Variants in PCDH11X observed in about 807,000 individuals in gnomAD.
PCDH11X encodes protocadherin-11 X-linked.
A neutral mutation model predicts 53.3 loss-of-function variants in PCDH11X; 18 were observed. That is an observed-to-expected ratio of 0.34 (90% CI 0.23 to 0.50). The LOEUF (loss-of-function observed/expected upper bound fraction) is 0.50. PCDH11X is among the 20% of genes least tolerant of loss of function. The pLI, the probability that PCDH11X is intolerant of heterozygous loss-of-function variation, is 0.98. For synonymous variants in PCDH11X, 279 were observed against 393.3 expected, an observed-to-expected ratio of 0.71 and a Z score of 3.44; for missense variants, 570 against 1,032.4, an observed-to-expected ratio of 0.55 and a Z score of 6.14.
chrX:92,111,273 G>A (rs1197258975), intron 6 of PCDH11X, among the ~76,000 whole-genome samples: 6 of 83,166 alleles, frequency 7.2e-5, no homozygotes, highest in Non-Finnish European at 4.3e-5. Flanking sequence ...TACTTTCTAA[G>A]CATATGTTTT....
At chrX:92,199,557 T>G (rs189354773) in intron 6 of PCDH11X, among the ~76,000 whole-genome samples, 2 of 111,193 alleles carry the variant, frequency 1.8e-5, no homozygotes. Context: ...AAGCACTAAG[T>G]TTTCCTGCAA....
chrX:91,931,127 G>GGTGTGTGTGT (rs199653186), intron 6 of PCDH11X, among the ~76,000 whole-genome samples: 12 of 98,853 alleles, frequency 1.2e-4, no homozygotes, highest in African/African-American at 4.1e-4. Context: ...AAGCTTTAGT[G>GGTGTGTGTGT]GTGTGTGTGT....
At chrX:92,289,348 T>C (rs1037680038) in intron 8 of PCDH11X, among the ~76,000 whole-genome samples, 4 of 106,838 alleles carry the variant, frequency 3.7e-5, no homozygotes, top group Admixed American at 2.9e-4. Flanking sequence ...ATTCAAGTTG[T>C]TTTTTCTATT....
Position 92,542,426 on chromosome X carries a change from T to C in PCDH11X, c.3367+74104T>C, listed in dbSNP as rs752089060. ...TTTACAATTATCTGTATTACCATAC[T>C]TTATGTTATATTGTTGGAACACTGG... On this transcript the variant is annotated intron_variant, in intron 10 of 10. Coordinates refer to ENST00000682573, the MANE Select transcript of PCDH11X (RefSeq NM_032968.5). 2.3e-3 allele frequency among the ~76,000 whole-genome samples: 259 copies of C among 111,646 alleles called. 3 individuals carry two copies. Among genetic ancestry groups the C allele is most frequent in the African/African-American group, 8.1e-3 (249 of 30,794 alleles).
At chrX:91,864,361 C>A (rs758735318) in intron 5 of PCDH11X, among the ~76,000 whole-genome samples, 1 of 98,554 alleles carries the variant, frequency 1.0e-5, no homozygotes, top group Admixed American at 1.1e-4. Flanking sequence ...TGCTTCCAGA[C>A]GTATTGGAGC....
intron 6 of PCDH11X, among the ~76,000 whole-genome samples, chrX:92,015,007 C>T (rs1412868684): frequency 9.0e-6 from 1 of 110,892 alleles, no homozygotes; most frequent in African/African-American, 3.3e-5. Flanking sequence ...GCATGTTGTG[C>T]ACATGTACCC....
chrX:92,155,977 C>T (rs1358041911), intron 6 of PCDH11X, among the ~76,000 whole-genome samples: 1 of 109,290 alleles, frequency 9.1e-6, no homozygotes, highest in Non-Finnish European at 1.9e-5. Context: ...CTCCCGTCCC[C>T]TCCATGTCAA....
intron 6 of PCDH11X, among the ~76,000 whole-genome samples, chrX:91,948,429 G>C (rs1480016206): frequency 1.8e-5 from 2 of 108,342 alleles, no homozygotes; most frequent in African/African-American, 6.6e-5. Flanking sequence ...TGTGGGATAA[G>C]TGATGGCATG....
intron 6 of PCDH11X, chrX:91,879,769 G>A: frequency 1.3e-6 from 1 of 752,218 alleles, no homozygotes; most frequent in Non-Finnish European, 1.6e-6. Flanking sequence ...ACTCTACCAG[G>A]CCTTCAGGTC....
At chrX:92,369,937 C>A (rs2070574401) in intron 8 of PCDH11X, among the ~76,000 whole-genome samples, 1 of 106,967 alleles carries the variant, frequency 9.3e-6, no homozygotes, top group Admixed American at 1.0e-4. Context: ...GGAGCTGTGC[C>A]TATTTGGCCA....
intron 8 of PCDH11X, among the ~76,000 whole-genome samples, chrX:92,274,309 T>A (rs371064898): frequency 0.022 from 2,296 of 104,285 alleles, 149 homozygotes; most frequent in African/African-American, 0.078. Context: ...ACTTTTCTTG[T>A]AGACGGAGGA....
intron 6 of PCDH11X, among the ~76,000 whole-genome samples, chrX:91,962,864 G>T (rs1022366334): frequency 9.0e-6 from 1 of 111,382 alleles, no homozygotes; most frequent in Non-Finnish European, 1.9e-5. Context: ...CAACCCTTGG[G>T]GCTTGCATCC....
At chrX:92,420,386 C>T in intron 9 of PCDH11X, 1 of 180,073 alleles carries the variant, frequency 5.6e-6, no homozygotes, top group Admixed American at 5.7e-5. Flanking sequence ...TTATTAGTTA[C>T]AACAATGAAA....
At chrX:92,559,871 T>C (rs1028066727) in intron 10 of PCDH11X, among the ~76,000 whole-genome samples, 19 of 110,991 alleles carry the variant, frequency 1.7e-4, no homozygotes, top group African/African-American at 5.2e-4. Context: ...TGAAAGGCAA[T>C]GTGAGACACA....
chrX:92,118,932 G>A (rs2064698222), intron 6 of PCDH11X, among the ~76,000 whole-genome samples: 1 of 106,340 alleles, frequency 9.4e-6, no homozygotes, highest in Admixed American at 1.0e-4. Context: ...TAGTAAAGAC[G>A]GGGTTTCACC....
chrX:92,603,445 A>G (rs1926450234), intron 10 of PCDH11X, among the ~76,000 whole-genome samples: 1 of 106,296 alleles, frequency 9.4e-6, no homozygotes, highest in African/African-American at 3.4e-5. Flanking sequence ...AAATTTCTCA[A>G]TTTGATAAAA....
chrX:92,589,529 A>T (rs1184175646), intron 10 of PCDH11X, among the ~76,000 whole-genome samples: 1 of 111,857 alleles, frequency 8.9e-6, no homozygotes, highest in African/African-American at 3.2e-5. Flanking sequence ...CACCTTAAAA[A>T]ATGAGGTATA....
intron 6 of PCDH11X, among the ~76,000 whole-genome samples, chrX:91,915,532 A>G (rs907301654): frequency 4.8e-4 from 53 of 111,193 alleles, no homozygotes; most frequent in Non-Finnish European, 8.9e-4. Flanking sequence ...AGCAACTAGG[A>G]GTAGCTATTC....
At chrX:92,338,195 T>C (rs189236567) in intron 8 of PCDH11X, among the ~76,000 whole-genome samples, 3 of 112,223 alleles carry the variant, frequency 2.7e-5, no homozygotes, top group African/African-American at 9.7e-5. Flanking sequence ...TCTTTCCACA[T>C]AGAAGATTAT....
Sources: gnomAD v4.1 joint callset for allele counts (sites outside exome capture counted in the v4.1 genomes callset) on GRCh38, gnomAD v4.1.1 for gene constraint, MANE v1.5 for transcripts, NCBI Gene and HGNC (gene_info 2026-07-23, HGNC 2026-07-21) for gene names.